The following KIRREL3 variants were observed in gnomAD, a reference collection of about 807,000 sequenced individuals.
The protein encoded by KIRREL3 is kirre like nephrin family adhesion molecule 3.
A neutral mutation model predicts 89.7 loss-of-function variants in KIRREL3; 36 were observed. That is an observed-to-expected ratio of 0.40 (90% CI 0.31 to 0.53). KIRREL3 has a LOEUF of 0.53. Among genes scored for constraint, KIRREL3 ranks in the 20% least tolerant of loss-of-function variants. KIRREL3 has a pLI of 0.49. For synonymous variants in KIRREL3, 445 were observed against 441.4 expected (o/e 1.01, Z -0.10); for missense variants, 864 against 1,056.6 (o/e 0.82, Z 2.53).
chr11:126,662,840 A>G (rs1251418793), intron 1 of KIRREL3, among the ~76,000 whole-genome samples: 1 of 151,878 alleles, frequency 6.6e-6, no homozygotes, highest in Non-Finnish European at 1.5e-5. Flanking sequence ...GGGTCACCCC[A>G]ACTTCAAATG....
In KIRREL3 at chr11:126,620,667, A is replaced by T. The variant is rs1207820240; in HGVS notation, c.56-57755T>A. On this transcript the variant is annotated intron_variant, in intron 1 of 16. Coordinates refer to ENST00000525144, the MANE Select transcript of KIRREL3 (RefSeq NM_032531.4). The surrounding 1 kb of genome is among the most constrained non-coding windows in gnomAD (Gnocchi z 4.8). ...TCTCTACTAAGCAGATGTTACAATT[A>T]GTTCCTTCCTGGTCCCACATTCATT... is the stretch of plus-strand genomic sequence containing the variant. 1.3e-5 allele frequency among the ~76,000 whole-genome samples: 2 copies of T among 152,194 alleles called. No individual in the cohort carries two copies. Among genetic ancestry groups the T allele is most frequent in the Non-Finnish European group, 2.9e-5 (2 of 68,030 alleles).
intron 1 of KIRREL3, among the ~76,000 whole-genome samples, chr11:126,692,544 CAAAAAAAAAA>C (rs71048799): frequency 2.6e-4 from 11 of 42,688 alleles, no homozygotes; most frequent in East Asian, 9.8e-4. Context: ...GACTCTGTCT[CAAAAAAAAAA>C]AAAAAAAAAA....
intron 1 of KIRREL3, among the ~76,000 whole-genome samples, chr11:126,762,232 G>C (rs906348585): frequency 2.0e-5 from 3 of 152,090 alleles, no homozygotes; most frequent in Non-Finnish European, 4.4e-5. Context: ...TCTCCTGGTT[G>C]TTCACCTTGG....
At chr11:126,816,515 T>G (rs1190806011) in intron 1 of KIRREL3, among the ~76,000 whole-genome samples, 1 of 152,192 alleles carries the variant, frequency 6.6e-6, no homozygotes, top group Non-Finnish European at 1.5e-5. Flanking sequence ...TGCTTAGAAT[T>G]TTAAAGTTAG....
rs545490652 is a variant in KIRREL3, at chr11:126,687,812, G to A, written c.56-124900C>T. 1.3e-4 allele frequency among the ~76,000 whole-genome samples: 20 copies of A among 152,318 alleles called. No individual in the cohort carries two copies. The East Asian group carries it at 1.5e-3, about 12-fold the overall frequency. On this transcript the variant is annotated intron_variant, in intron 1 of 16. Coordinates refer to ENST00000525144, the MANE Select transcript of KIRREL3 (RefSeq NM_032531.4). The surrounding 1 kb of genome is among the most constrained non-coding windows in gnomAD (Gnocchi z 4.6). ...GGTAATGACAGGCAAAGAGAGATGC[G>A]GTGAAATGGCCATGGGAGCACAGCC...
intron 1 of KIRREL3, among the ~76,000 whole-genome samples, chr11:126,595,790 A>G (rs541558187): frequency 6.6e-6 from 1 of 152,350 alleles, no homozygotes; most frequent in Non-Finnish European, 1.5e-5. Context: ...CTGATGGCAT[A>G]CAAAGCCTCC....
chr11:126,990,069 C>T lies in KIRREL3; in HGVS notation c.55+10386G>A, dbSNP rs1015754824. 2.6e-5 allele frequency among the ~76,000 whole-genome samples: 4 copies of T among 152,144 alleles called. No individual in the cohort carries two copies. The highest frequency in any genetic ancestry group is 4.4e-5 in the Non-Finnish European group (3 of 68,016). On this transcript the variant is annotated intron_variant, in intron 1 of 16. Coordinates refer to ENST00000525144, the MANE Select transcript of KIRREL3 (RefSeq NM_032531.4). The surrounding 1 kb of genome is among the most constrained non-coding windows in gnomAD (Gnocchi z 6.3). ...ATCACTCCTTGTGGAAGGGAAAACG[C>T]CTGGAGCGGGGCAGGGGGCACAGGC...
chr11:126,653,976 C>T lies in KIRREL3; in HGVS notation c.56-91064G>A, dbSNP rs1221563558. Among the ~76,000 whole-genome samples, 2 of 152,206 alleles carry T rather than the reference C, an allele frequency of 1.3e-5. No individual in the cohort carries two copies. Among genetic ancestry groups the T allele is most frequent in the Non-Finnish European group, 2.9e-5 (2 of 68,028 alleles). ...TTCTGCCTAGAGGGTGACCCCCACG[C>T]CCAGCACATATCTCACCCTCAGTCA... On this transcript the variant is annotated intron_variant, in intron 1 of 16. Coordinates refer to ENST00000525144, the MANE Select transcript of KIRREL3 (RefSeq NM_032531.4). This position sits in a 1 kb window ranked among gnomAD's most constrained non-coding sequence, Gnocchi z 5.4.
In KIRREL3 at chr11:126,769,865, C is replaced by A. The variant is rs1364270761; in HGVS notation, c.56-206953G>T. 6.6e-6 allele frequency among the ~76,000 whole-genome samples: 1 copy of A among 152,156 alleles called. No individual in the cohort carries two copies. Among genetic ancestry groups the A allele is most frequent in the Admixed American group, 6.5e-5 (1 of 15,282 alleles). On this transcript the variant is annotated intron_variant, in intron 1 of 16. Transcript: ENST00000525144. The surrounding 1 kb of genome is among the most constrained non-coding windows in gnomAD (Gnocchi z 4.3). Reference sequence around the variant, plus strand: ...GCTCAATCTCTCTGAGTCTTGATTTCCTCATTTATAAGATAAAGGTAATAA... The same window carrying A: ...GCTCAATCTCTCTGAGTCTTGATTTACTCATTTATAAGATAAAGGTAATAA...
In KIRREL3 at chr11:126,762,894, CA is replaced by C. The variant is rs1369329069; in HGVS notation, c.56-199983del. Among the ~76,000 whole-genome samples the C allele has an allele frequency of 2.0e-5, 3 of 152,112 alleles. No individual in the cohort carries two copies. In the East Asian group the frequency reaches 5.8e-4, roughly 29 times the overall value. The stretch of plus-strand genomic sequence containing the variant: ...AGCAAAACTCTATTGAATTTGGGAC[CA>C]TCTTTTGCAATAGCGTCTGCAACTC... On this transcript the variant is annotated intron_variant, in intron 1 of 16. Coordinates refer to ENST00000525144, the MANE Select transcript of KIRREL3 (RefSeq NM_032531.4).
intron 1 of KIRREL3, among the ~76,000 whole-genome samples, chr11:126,598,915 T>G (rs569551226): frequency 5.9e-4 from 90 of 152,356 alleles, no homozygotes; most frequent in African/African-American, 2.1e-3. Context: ...AGTCTGAAGA[T>G]CACGTGGTTT....
At chr11:126,966,454 T>C (rs1949274493) in intron 1 of KIRREL3, among the ~76,000 whole-genome samples, 1 of 152,148 alleles carries the variant, frequency 6.6e-6, no homozygotes, top group Admixed American at 6.5e-5. Context: ...TGTCAGTTTC[T>C]CCCTCCTATC....
At chr11:126,774,981 A>G (rs1324892212) in intron 1 of KIRREL3, among the ~76,000 whole-genome samples, 1 of 152,176 alleles carries the variant, frequency 6.6e-6, no homozygotes, top group Non-Finnish European at 1.5e-5. Flanking sequence ...CCCCTGCTGT[A>G]CCTGAGAGCT....
intron 1 of KIRREL3, among the ~76,000 whole-genome samples, chr11:126,895,360 G>A (rs940016745): frequency 2.0e-5 from 3 of 151,336 alleles, no homozygotes; most frequent in Non-Finnish European, 2.9e-5. Context: ...GTACTTGGGA[G>A]GCTGAGGCAG....
rs939586310 is a variant in KIRREL3 at position 126,639,674 on chromosome 11, C to T, written c.56-76762G>A. 2.0e-5 allele frequency among the ~76,000 whole-genome samples: 3 copies of T among 152,196 alleles called. No individual in the cohort carries two copies. Among genetic ancestry groups the T allele is most frequent in the African/African-American group, 7.2e-5 (3 of 41,442 alleles). ...CCCTACTTGTACAATTAATATTCTC[C>T]CTGGTGTTGATTTTGTTCAAATATA... On this transcript the variant is annotated intron_variant, in intron 1 of 16. Coordinates refer to ENST00000525144, the MANE Select transcript of KIRREL3 (RefSeq NM_032531.4). The surrounding 1 kb of genome is among the most constrained non-coding windows in gnomAD (Gnocchi z 4.3).
At chr11:126,944,379 C>G (rs901810567) in intron 1 of KIRREL3, 2 of 152,186 alleles carry the variant, frequency 1.3e-5, no homozygotes, top group African/African-American at 4.8e-5. Flanking sequence ...GAAATTTTTC[C>G]TCCTTCACAG....
intron 1 of KIRREL3, among the ~76,000 whole-genome samples, chr11:126,599,165 C>T (rs1041235112): frequency 1.1e-4 from 16 of 152,188 alleles, no homozygotes; most frequent in African/African-American, 3.6e-4. Context: ...CCCACATTGG[C>T]CCCTCTTAGG....
rs1330971700 is a variant in KIRREL3, at chr11:126,523,297, C to A, written c.284-1833G>T. On this transcript the variant is annotated intron_variant, in intron 3 of 16. Coordinates refer to ENST00000525144, the MANE Select transcript of KIRREL3 (RefSeq NM_032531.4). The surrounding 1 kb of genome is among the most constrained non-coding windows in gnomAD (Gnocchi z 4.9). ...AGATCAGACTAGAGGAGCTTGAAGG[C>A]CCCTCTCACCACCATAAGTGAAGGT... Among the ~76,000 whole-genome samples, 1 of 152,160 alleles carries A rather than the reference C, an allele frequency of 6.6e-6. No homozygotes were observed. The highest frequency in any genetic ancestry group is 1.5e-5 in the Non-Finnish European group (1 of 68,038).
At position 126,528,821 on chromosome 11, in the gene KIRREL3, G is replaced by A. The variant is rs569146714; in HGVS notation, c.134-2134C>T. On this transcript the variant is annotated intron_variant, in intron 2 of 16. Coordinates refer to ENST00000525144, the MANE Select transcript of KIRREL3 (RefSeq NM_032531.4). The surrounding 1 kb of genome is among the most constrained non-coding windows in gnomAD (Gnocchi z 4.6). The stretch of plus-strand genomic sequence containing the variant: ...GAAGAGGAGAGGGAGAGGAAGAGGA[G>A]GAAGCAGGGGAGGAGGGTGAGGGGC... Among the ~76,000 whole-genome samples the A allele has an allele frequency of 2.7e-5, 4 of 146,182 alleles. No homozygotes were observed. In the East Asian group the frequency reaches 8.4e-4, roughly 31 times the overall value.
Sources: allele counts gnomAD v4.1 joint callset (sites outside exome capture counted in the v4.1 genomes callset), GRCh38; gene constraint gnomAD v4.1.1; non-coding constraint Gnocchi (gnomAD v3.1); transcripts MANE v1.5; gene names NCBI Gene and HGNC (gene_info 2026-07-23, HGNC 2026-07-21).